The following AMMECR1 variants were observed in gnomAD, a reference collection of about 807,000 sequenced individuals.
AMMECR1 encodes nuclear protein AMMECR1.
In AMMECR1, 3 loss-of-function variants were observed where a neutral mutation model predicts 22.5. The observed-to-expected ratio is 0.13, with a 90% CI of 0.06 to 0.35. The LOEUF is 0.35. Among genes scored for constraint, AMMECR1 ranks in the 10% least tolerant of loss-of-function variants. The pLI, the probability that AMMECR1 is intolerant of heterozygous loss-of-function variation, is 1.00. For synonymous variants in AMMECR1, 130 were observed against 116.7 expected (o/e 1.11, Z -0.74); for missense variants, 235 against 278.7 (o/e 0.84, Z 1.12).
intron 2 of AMMECR1, among the ~76,000 whole-genome samples, chrX:110,423,893 T>C (rs1459021704): frequency 1.8e-5 from 2 of 112,642 alleles, no homozygotes; most frequent in Non-Finnish European, 3.8e-5. Context: ...GAATTGTCTC[T>C]TCCTCCTTCT....
chrX:110,267,204 A>G (rs1445376576), intron 1 of AMMECR1, among the ~76,000 whole-genome samples: 3 of 111,171 alleles, frequency 2.7e-5, no homozygotes, highest in Non-Finnish European at 5.7e-5. Flanking sequence ...GCATATACCC[A>G]GTAATGGGAT....
chrX:110,304,529 G>A (rs1466274399), intron 1 of AMMECR1, among the ~76,000 whole-genome samples: 4 of 112,218 alleles, frequency 3.6e-5, no homozygotes, highest in African/African-American at 9.7e-5. Flanking sequence ...CATAACCAAT[G>A]TTAATCTAAC....
upstream of AMMECR1, among the ~76,000 whole-genome samples, chrX:110,319,159 T>A (rs747240075): frequency 6.7e-4 from 75 of 112,387 alleles, no homozygotes; most frequent in African/African-American, 2.2e-3. Flanking sequence ...GACATATGAG[T>A]CAGTCCCTTT....
intron 1 of AMMECR1, among the ~76,000 whole-genome samples, chrX:110,273,525 G>C (rs1222300299): frequency 1.8e-5 from 2 of 112,170 alleles, no homozygotes; most frequent in Non-Finnish European, 3.8e-5. Context: ...TGTTGCATTT[G>C]CTTTTAGAGT....
chrX:110,301,881 T>A (rs760639580), intron 1 of AMMECR1, among the ~76,000 whole-genome samples: 35 of 111,694 alleles, frequency 3.1e-4, no homozygotes, highest in African/African-American at 8.4e-4. Flanking sequence ...AGAAAAAAAA[T>A]TTTATTTAAA....
In AMMECR1 at chrX:110,276,027, A is replaced by G. The variant is rs745747296; in HGVS notation, c.474-11428T>C. ...TCCTTATGGGACTCCAGTTGCAAGT[A>G]GGTTAATCTGCTTGATATTGTCTCA... On this transcript the variant is annotated intron_variant, in intron 1 of 5. Coordinates refer to ENST00000262844, the MANE Select transcript of AMMECR1 (RefSeq NM_015365.3). Among the ~76,000 whole-genome samples, 3 of 110,123 alleles carry G rather than the reference A, an allele frequency of 2.7e-5. No individual in the cohort carries two copies. The South Asian group carries it at 1.2e-3, about 42-fold the overall frequency.
intron 2 of AMMECR1, among the ~76,000 whole-genome samples, chrX:110,232,815 G>A (rs200605899): frequency 1.5e-4 from 16 of 103,612 alleles, no homozygotes; most frequent in Admixed American, 4.2e-4. Flanking sequence ...GCGTGAACCC[G>A]GGAGGCGGAG....
intron 1 of AMMECR1, among the ~76,000 whole-genome samples, chrX:110,302,787 T>C (rs1019415035): frequency 1.8e-5 from 2 of 110,535 alleles, no homozygotes; most frequent in East Asian, 5.7e-4. Flanking sequence ...GGCAGGAGAA[T>C]TGCTTGAACC....
In AMMECR1 at chrX:110,409,458, G is replaced by A. The variant is rs2068626269; in HGVS notation, c.-148+17200C>T. On this transcript the variant is annotated intron_variant, in intron 2 of 7. Coordinates refer to the AMMECR1 transcript ENST00000372057. ...GACCTCACTACCTAAAAAGAGGGCTGTTTTCCAGCTTAGCTGTACCTCTTT... is the reference window on the plus strand; with the variant it reads ...GACCTCACTACCTAAAAAGAGGGCTATTTTCCAGCTTAGCTGTACCTCTTT... Among the ~76,000 whole-genome samples the A allele has an allele frequency of 3.6e-5, 4 of 111,600 alleles. No individual in the cohort carries two copies. In the Admixed American group the frequency reaches 3.8e-4, roughly 11 times the overall value.
At chrX:110,338,754 T>C (rs939543646) in intron 2 of AMMECR1, among the ~76,000 whole-genome samples, 4 of 111,185 alleles carry the variant, frequency 3.6e-5, no homozygotes, top group Non-Finnish European at 7.5e-5. Context: ...CTGAAACTCA[T>C]AGAAAATTGT....
chrX:110,330,242 A>G (rs1392932448), intron 2 of AMMECR1, among the ~76,000 whole-genome samples: 1 of 111,836 alleles, frequency 8.9e-6, no homozygotes, highest in African/African-American at 3.2e-5. Context: ...CTTCACGACA[A>G]AAAAAACGAC....
At chrX:110,350,317 C>G (rs1031136582) in intron 2 of AMMECR1, among the ~76,000 whole-genome samples, 9 of 111,450 alleles carry the variant, frequency 8.1e-5, no homozygotes, top group Non-Finnish European at 1.1e-4. Context: ...ATAAAAAGCA[C>G]CTATAGAGAC....
At chrX:110,425,928 T>A (rs1245433430) in intron 2 of AMMECR1, among the ~76,000 whole-genome samples, 1 of 112,499 alleles carries the variant, frequency 8.9e-6, no homozygotes, top group African/African-American at 3.2e-5. Context: ...GTGCTCTGTG[T>A]CAGCTCCTGT....
chrX:110,428,830 C>T (rs1439787157), intron 1 of AMMECR1, among the ~76,000 whole-genome samples: 2 of 112,009 alleles, frequency 1.8e-5, no homozygotes, highest in Non-Finnish European at 3.8e-5. Context: ...TGTGGAACCC[C>T]GTGTTAAAAT....
intron 1 of AMMECR1, among the ~76,000 whole-genome samples, chrX:110,276,499 GA>G (rs1279303387): frequency 1.1e-4 from 12 of 111,929 alleles, no homozygotes; most frequent in African/African-American, 3.9e-4. Flanking sequence ...AAAGACTGTT[GA>G]AGTTCATTTT....
chrX:110,351,445 T>A (rs2068211002), intron 2 of AMMECR1, among the ~76,000 whole-genome samples: 1 of 112,155 alleles, frequency 8.9e-6, no homozygotes, highest in Admixed American at 9.4e-5. Flanking sequence ...CTTACATTTA[T>A]GTTTGATAGA....
chrX:110,250,362 C>T (rs2067680867), intron 2 of AMMECR1, among the ~76,000 whole-genome samples: 1 of 111,496 alleles, frequency 9.0e-6, no homozygotes, highest in Admixed American at 9.5e-5. Context: ...TCTCTGGGCT[C>T]TAGGGTTCAG....
intron 1 of AMMECR1, among the ~76,000 whole-genome samples, chrX:110,293,222 G>A (rs2067917924): frequency 8.9e-6 from 1 of 111,887 alleles, no homozygotes; most frequent in Non-Finnish European, 1.9e-5. Flanking sequence ...GTAGCTGGGC[G>A]AAAGGAGTAG....
chrX:110,221,524 G>C (rs941999158), intron 2 of AMMECR1, among the ~76,000 whole-genome samples: 10 of 111,576 alleles, frequency 9.0e-5, no homozygotes, highest in Non-Finnish European at 1.9e-4. Flanking sequence ...TTTTGGTGAG[G>C]GCTGTTACTC....
Sources: gnomAD v4.1 joint callset for allele counts (sites outside exome capture counted in the v4.1 genomes callset) on GRCh38, gnomAD v4.1.1 for gene constraint, MANE v1.5 for transcripts, NCBI Gene and HGNC (gene_info 2026-07-23, HGNC 2026-07-21) for gene names.